Variants in RPS6KA6 observed in about 807,000 individuals in gnomAD.
RPS6KA6 encodes the protein ribosomal protein S6 kinase alpha-6.
A neutral mutation model predicts 65.4 loss-of-function variants in RPS6KA6; 27 were observed. The ratio of observed to expected loss-of-function variants is 0.41; its 90% CI spans 0.30 to 0.57. The LOEUF (loss-of-function observed/expected upper bound fraction) is 0.57. Among genes scored for constraint, RPS6KA6 ranks in the 20% least tolerant of loss-of-function variants. RPS6KA6 has a pLI of 0.24. For missense variants in RPS6KA6, 486 were observed against 555.6 expected, an observed-to-expected ratio of 0.87 and a Z score of 1.26; for synonymous variants, 190 against 184.2, an observed-to-expected ratio of 1.03 and a Z score of -0.26.
At chrX:84,124,837 AAAG>A (rs1181981814) in intron 8 of RPS6KA6, among the ~76,000 whole-genome samples, 1 of 111,799 alleles carries the variant, frequency 8.9e-6, no homozygotes, top group Non-Finnish European at 1.9e-5. Flanking sequence ...GATTTAAACC[AAAG>A]AAGACTACCT....
At chrX:84,066,615 G>A (rs2033410591) in intron 20 of RPS6KA6, among the ~76,000 whole-genome samples, 1 of 111,071 alleles carries the variant, frequency 9.0e-6, no homozygotes, top group South Asian at 3.8e-4. Flanking sequence ...CCCCAGTCAG[G>A]GGCTTATAGA....
intron 2 of RPS6KA6, among the ~76,000 whole-genome samples, chrX:84,156,943 T>C (rs1182439724): frequency 8.9e-6 from 1 of 112,043 alleles, no homozygotes; most frequent in Non-Finnish European, 1.9e-5. Flanking sequence ...GGATATCTTA[T>C]CCAACTCTCT....
chrX:84,110,991 A>AATATAT (rs753011876), intron 12 of RPS6KA6, among the ~76,000 whole-genome samples: 18 of 102,418 alleles, frequency 1.8e-4, no homozygotes, highest in Admixed American at 1.7e-3. Flanking sequence ...AAGATAAATA[A>AATATAT]ATATATATAT....
In RPS6KA6 at chrX:84,156,190, T is replaced by C; in HGVS notation, c.143A>G (p.Asp48Gly). The change falls in exon 3 of 22, where the codon GAT (aspartate) becomes GGT (glycine). Residue 48 changes from aspartate (D) to glycine (G), a missense_variant and splice_region_variant. By Grantham distance (94) the Asp-to-Gly change is moderately conservative. Around this residue, in one of 3 missense-constraint regions of RPS6KA6, gnomAD observed 106 missense variants for 105.0 expected, o/e 1.01. Coordinates refer to ENST00000262752, the MANE Select transcript of RPS6KA6 (RefSeq NM_014496.5). ...AGGGATTTCTTTAACAACTCCTTCA[T>C]CCTGTAAAAAGAAATCCAAACAATA... ...MEEGEADSCH[D>G]EGVVKEIPIT... is the part of the protein sequence containing the mutation. The C allele has an allele frequency of 9.7e-7, 1 of 1,034,115 alleles. No homozygotes were observed. Among genetic ancestry groups the C allele is most frequent in the East Asian group, 3.0e-5 (1 of 33,034 alleles). The allele number at this position is 1,034,115 out of a possible 1,213,427, so 85.2% of individuals were successfully genotyped here.
chrX:84,142,772 C>T (rs2035130043), intron 6 of RPS6KA6, among the ~76,000 whole-genome samples: 1 of 111,303 alleles, frequency 9.0e-6, no homozygotes, highest in African/African-American at 3.2e-5. Context: ...CCTTAAAAGA[C>T]ACAAGTTAGC....
chrX:84,165,558 C>T (rs902597113), intron 1 of RPS6KA6, among the ~76,000 whole-genome samples: 8 of 110,883 alleles, frequency 7.2e-5, no homozygotes, highest in Admixed American at 6.8e-4. Context: ...AACAAAAATT[C>T]CAAGAAAAAT....
intron 1 of RPS6KA6, among the ~76,000 whole-genome samples, chrX:84,170,705 A>T (rs1260567995): frequency 9.0e-6 from 1 of 111,286 alleles, no homozygotes; most frequent in Non-Finnish European, 1.9e-5. Flanking sequence ...AATAAAACAG[A>T]GAAAGAAACC....
In RPS6KA6 at chrX:84,061,752, C is replaced by T. The variant is rs2033305593; in HGVS notation, c.*2525G>A. 1 of 111,669 alleles carries T rather than the reference C, an allele frequency of 9.0e-6. No homozygotes were observed. The highest frequency in any genetic ancestry group is 3.3e-5 in the African/African-American group (1 of 30,753). The allele number at this position is 111,669 out of a possible 1,213,427, so 9.2% of individuals were successfully genotyped here. A position where few individuals can be genotyped will look rare whatever the true frequency, so the allele number is the denominator to read the frequency against. On this transcript the variant is annotated 3_prime_UTR_variant, in exon 22 of 22. Coordinates refer to ENST00000262752, the MANE Select transcript of RPS6KA6 (RefSeq NM_014496.5). ...CCAAAAACCATTAACTAGAAAAACA[C>T]AATGCAAAATCATTATTCAAGAACC...
At chrX:84,138,168 T>A (rs2147521900) in intron 6 of RPS6KA6, among the ~76,000 whole-genome samples, 1 of 112,284 alleles carries the variant, frequency 8.9e-6, no homozygotes, top group East Asian at 2.8e-4. Flanking sequence ...TGCCACAATT[T>A]GTGATTCTTC....
chrX:84,147,038 T>C lies in RPS6KA6; in HGVS notation c.361A>G (p.Lys121Glu). 1 of 1,176,511 alleles carries C rather than the reference T, an allele frequency of 8.5e-7. No individual in the cohort carries two copies. Among genetic ancestry groups the C allele is most frequent in the Non-Finnish European group, 1.2e-6 (1 of 868,697 alleles). The change falls in exon 5 of 22, where the codon AAG becomes GAG. Residue 121 changes from lysine to glutamate, a missense_variant. Lys to Glu is a moderately conservative substitution (Grantham distance 56). Coordinates refer to ENST00000262752, the MANE Select transcript of RPS6KA6 (RefSeq NM_014496.5). ...SLKVRDRVRTKMERDILVEVN... is the reference protein window; with the variant it reads ...SLKVRDRVRTEMERDILVEVN... ...TCCACCAGTATATCCCTCTCCATCT[T>C]TGTCCGAACTCTGTCTCGAACTAAA...
At chrX:84,165,199 A>T (rs370728915) in intron 1 of RPS6KA6, among the ~76,000 whole-genome samples, 2 of 110,310 alleles carry the variant, frequency 1.8e-5, no homozygotes, top group East Asian at 2.8e-4. Context: ...CTGAACTAAG[A>T]TGTTTGAAAA....
chrX:84,117,256 A>G, intron 10 of RPS6KA6, 108 bp from the exon 11 acceptor site: 1 of 650,984 alleles, frequency 1.5e-6, no homozygotes, highest in Non-Finnish European at 2.3e-6. Context: ...ACAGTCCTGT[A>G]TATGGTAGAA....
At chrX:84,073,694 A>G (rs1211947614) in intron 20 of RPS6KA6, among the ~76,000 whole-genome samples, 1 of 111,433 alleles carries the variant, frequency 9.0e-6, no homozygotes, top group Non-Finnish European at 1.9e-5. Flanking sequence ...AAAATACATA[A>G]TTTGATTAAA....
At chrX:84,094,373 T>C (rs2147396412) in intron 20 of RPS6KA6, among the ~76,000 whole-genome samples, 1 of 105,482 alleles carries the variant, frequency 9.5e-6, no homozygotes, top group African/African-American at 3.5e-5. Flanking sequence ...CCTGGTGTGG[T>C]GGCTCACGCC....
chrX:84,132,802 A>G (rs983928268), intron 8 of RPS6KA6, among the ~76,000 whole-genome samples: 1 of 108,399 alleles, frequency 9.2e-6, no homozygotes, highest in Non-Finnish European at 1.9e-5. Flanking sequence ...TCAGACTCAA[A>G]GCACAGTTAC....
chrX:84,065,009 C>G lies in RPS6KA6; in HGVS notation c.2074G>C (p.Asp692His), dbSNP rs6616890. ...WITHRDQLPN[D>H]QPKRNDVSHV... ...GACACATCATTTCTCTTTGGCTGATCATTTGGCAACTGGTCTCTGTGAGTT... is the reference window on the plus strand; with the variant it reads ...GACACATCATTTCTCTTTGGCTGATGATTTGGCAACTGGTCTCTGTGAGTT... Residue 692 changes from aspartate to histidine, a missense_variant, in exon 21 of 22, where the codon GAT becomes CAT. Physicochemically the swap from Asp to His is moderately conservative, Grantham distance 81. This residue lies in a region of RPS6KA6 where 345 missense variants were observed against 375.0 expected (regional missense o/e 0.92). Transcript: ENST00000262752. 8.3e-7 allele frequency: 1 copy of G among 1,206,158 alleles called. No individual in the cohort carries two copies. The highest frequency in any genetic ancestry group is 1.1e-6 in the Non-Finnish European group (1 of 891,300).
intron 20 of RPS6KA6, among the ~76,000 whole-genome samples, chrX:84,089,322 C>T (rs2033995622): frequency 8.9e-6 from 1 of 112,062 alleles, no homozygotes; most frequent in Admixed American, 9.4e-5. Flanking sequence ...AGACCATTTC[C>T]AGCCTGTTGC....
intron 4 of RPS6KA6, 43 bp downstream of exon 4, chrX:84,147,999 C>T (rs192171718): frequency 4.8e-6 from 4 of 827,847 alleles, no homozygotes; most frequent in African/African-American, 4.2e-5. Flanking sequence ...TCTTAAACTA[C>T]ACTTTGTCAA....
Position 84,063,597 on chromosome X carries a change from T to C in RPS6KA6, c.*680A>G, listed in dbSNP as rs2033337756. ...TACAGAAGCCTTATAAAAACCTTTA[T>C]TTCTAAATGAGGCCACTTATTATGG... On this transcript the variant is annotated 3_prime_UTR_variant, in exon 22 of 22. Transcript: ENST00000262752. The C allele has an allele frequency of 8.9e-6, 1 of 112,062 alleles. No homozygotes were observed. Among genetic ancestry groups the C allele is most frequent in the Non-Finnish European group, 1.9e-5 (1 of 53,119 alleles). 9.2% of individuals were successfully genotyped at this position (112,062 alleles called of 1,213,427 possible).
Sources: gnomAD v4.1 joint callset for allele counts (sites outside exome capture counted in the v4.1 genomes callset) on GRCh38, gnomAD v4.1.1 for gene constraint, gnomAD v4.1.1 regional missense constraint, MANE v1.5 for transcripts, NCBI Gene and HGNC (gene_info 2026-07-23, HGNC 2026-07-21) for gene names.